The following TBC1D14 variants were observed in gnomAD, a reference collection of about 807,000 sequenced individuals.
The protein encoded by TBC1D14 is TBC1 domain family member 14.
TBC1D14 carries 26 observed loss-of-function variants against 79.0 expected under a neutral mutation model. The observed-to-expected ratio is 0.33, with a 90% CI of 0.24 to 0.46. TBC1D14 has a LOEUF of 0.46. TBC1D14 is among the 20% of genes least tolerant of loss of function. TBC1D14 has a pLI of 1.00. For missense variants in TBC1D14, 769 were observed against 887.6 expected (o/e 0.87, Z 1.70); for synonymous variants, 394 against 349.9 (o/e 1.13, Z -1.40).
chr4:7,019,168 C>T (rs1721569357), intron 12 of TBC1D14, among the ~76,000 whole-genome samples: 1 of 152,050 alleles, frequency 6.6e-6, no homozygotes, highest in Non-Finnish European at 1.5e-5. Flanking sequence ...ACTGCAGGCG[C>T]CCGCCACCAC....
chr4:6,958,841 C>A (rs1012369495), intron 2 of TBC1D14, among the ~76,000 whole-genome samples: 7 of 152,148 alleles, frequency 4.6e-5, no homozygotes, highest in African/African-American at 1.7e-4. Flanking sequence ...GTGTCCGTAC[C>A]CCTGTCTCAT....
intron 4 of TBC1D14, among the ~76,000 whole-genome samples, chr4:6,994,814 C>T (rs1041569124): frequency 6.7e-6 from 1 of 149,626 alleles, no homozygotes; most frequent in African/African-American, 2.5e-5. Flanking sequence ...GAGCCAAGAT[C>T]ACACCATTAA....
intron 13 of TBC1D14, among the ~76,000 whole-genome samples, chr4:7,029,600 G>A (rs1272568124): frequency 2.0e-5 from 3 of 152,228 alleles, no homozygotes; most frequent in African/African-American, 7.2e-5. Flanking sequence ...GCCAAGGCGG[G>A]CGTATCATGA....
At chr4:6,961,921 C>T (rs1183779801) in intron 2 of TBC1D14, among the ~76,000 whole-genome samples, 2 of 152,184 alleles carry the variant, frequency 1.3e-5, no homozygotes, top group Non-Finnish European at 2.9e-5. Flanking sequence ...CATACGACTC[C>T]TGTTTCTGTT....
At chr4:6,991,891 T>C (rs1018355912) in intron 3 of TBC1D14, among the ~76,000 whole-genome samples, 1 of 152,230 alleles carries the variant, frequency 6.6e-6, no homozygotes, top group Admixed American at 6.5e-5. Context: ...ATCTGATGTT[T>C]CTGGTCATGA....
At chr4:6,970,604 G>A (rs1257585536) in intron 3 of TBC1D14, among the ~76,000 whole-genome samples, 2 of 152,274 alleles carry the variant, frequency 1.3e-5, no homozygotes, top group African/African-American at 2.4e-5. Flanking sequence ...CTTGTGCTGC[G>A]CACTGGGAGC....
intron 1 of TBC1D14, among the ~76,000 whole-genome samples, chr4:6,913,705 T>C (rs1378745513): frequency 2.6e-5 from 4 of 152,254 alleles, no homozygotes; most frequent in Non-Finnish European, 5.9e-5. Context: ...CGGTTTTAAG[T>C]AGTCTAAATA....
chr4:7,033,027 A>C lies in TBC1D14; in HGVS notation c.*2635A>C, dbSNP rs1308595006. On this transcript the variant is annotated 3_prime_UTR_variant, in exon 14 of 14. Transcript: ENST00000409757. Reference sequence around the variant, plus strand: ...TAATTGCTTGTACAGTTAACCTTTAATTTTATTTAGTAAAGTGTATCAAAG... The same window carrying C: ...TAATTGCTTGTACAGTTAACCTTTACTTTTATTTAGTAAAGTGTATCAAAG... The C allele has an allele frequency of 6.6e-6, 1 of 152,664 alleles. No individual in the cohort carries two copies. The highest frequency in any genetic ancestry group is 1.5e-5 in the Non-Finnish European group (1 of 68,046). 9.5% of individuals were successfully genotyped at this position (152,664 alleles called of 1,614,324 possible).
chr4:6,937,963 G>C (rs1416550626), intron 2 of TBC1D14, among the ~76,000 whole-genome samples: 2 of 152,254 alleles, frequency 1.3e-5, no homozygotes, highest in South Asian at 4.1e-4. Flanking sequence ...TTGCATTGCT[G>C]ATTGAGCCGC....
intron 13 of TBC1D14, among the ~76,000 whole-genome samples, chr4:7,029,470 G>A (rs797012448): frequency 3.3e-5 from 5 of 152,380 alleles, no homozygotes; most frequent in African/African-American, 1.2e-4. Flanking sequence ...CGCTGGCAGA[G>A]TTCTCTGCTT....
At chr4:7,026,172 G>GA (rs1722350882) in intron 13 of TBC1D14, among the ~76,000 whole-genome samples, 1 of 149,584 alleles carries the variant, frequency 6.7e-6, no homozygotes, top group African/African-American at 2.5e-5. Flanking sequence ...TTTTTTAATG[G>GA]AAGATTTAAA....
chr4:7,012,038 C>T (rs964781545), intron 11 of TBC1D14, among the ~76,000 whole-genome samples: 7 of 151,830 alleles, frequency 4.6e-5, no homozygotes, highest in East Asian at 1.9e-4. Context: ...TGGTGGCTTA[C>T]GCCTGTAATC....
chr4:7,019,440 C>T lies in TBC1D14; in HGVS notation c.1757+4883C>T, dbSNP rs1017121792. 9.9e-5 allele frequency among the ~76,000 whole-genome samples: 15 copies of T among 152,242 alleles called. 1 individual carries two copies. Among genetic ancestry groups the T allele is most frequent in the Middle Eastern group, 3.4e-3 (1 of 294 alleles). Reference sequence around the variant, plus strand: ...CAGTTCTGGGGTACAGGTTGCCCCACGAGTGCCTTAGGAGCCGGGAGCATC... The same window carrying T: ...CAGTTCTGGGGTACAGGTTGCCCCATGAGTGCCTTAGGAGCCGGGAGCATC... On this transcript the variant is annotated intron_variant, in intron 12 of 13. Transcript: ENST00000409757.
At chr4:7,008,503 C>T (rs1240577516) in intron 9 of TBC1D14, among the ~76,000 whole-genome samples, 1 of 152,220 alleles carries the variant, frequency 6.6e-6, no homozygotes, top group African/African-American at 2.4e-5. Flanking sequence ...GCCTCCGCCT[C>T]CCGGGTTCAA....
intron 2 of TBC1D14, among the ~76,000 whole-genome samples, chr4:6,954,624 G>A (rs1201522045): frequency 1.3e-5 from 2 of 151,832 alleles, no homozygotes; most frequent in African/African-American, 2.4e-5. Context: ...TTTTTGAGAC[G>A]GAGTCTGGTT....
chr4:7,004,000 T>TC (rs1225779866), intron 7 of TBC1D14, among the ~76,000 whole-genome samples: 1 of 151,722 alleles, frequency 6.6e-6, no homozygotes, highest in African/African-American at 2.4e-5. Context: ...AGAGCAAGAC[T>TC]CCATCTCGGA....
intron 3 of TBC1D14, among the ~76,000 whole-genome samples, chr4:6,968,438 C>T (rs1258395299): frequency 2.0e-5 from 3 of 152,220 alleles, no homozygotes; most frequent in Admixed American, 6.5e-5. Context: ...TCCTTTAAAA[C>T]TCGCAACAAC....
At chr4:6,966,073 T>A (rs1223170458) in intron 2 of TBC1D14, among the ~76,000 whole-genome samples, 1 of 152,226 alleles carries the variant, frequency 6.6e-6, no homozygotes, top group African/African-American at 2.4e-5. Context: ...GTTTGTTTAT[T>A]TGTACCTATA....
chr4:7,001,235 G>T lies in TBC1D14; in HGVS notation c.1254G>T (p.Glu418Asp). The T allele has an allele frequency of 6.8e-6, 11 of 1,614,052 alleles. No individual in the cohort carries two copies. The highest frequency in any genetic ancestry group is 9.3e-6 in the Non-Finnish European group (11 of 1,179,984). ...GKVWSLAIGN[E>D]LNITHELFDI... The stretch of plus-strand genomic sequence containing the variant: ...TCTGGAGCTTAGCCATTGGCAACGA[G>T]TTAAATATCACCCACGGTGAGTGGC... Residue 418 changes from glutamate to aspartate, a missense_variant, in exon 7 of 14, where the codon GAG becomes GAT. Around this residue, in one of 2 missense-constraint regions of TBC1D14, gnomAD observed 367 missense variants for 494.4 expected, o/e 0.74. Transcript: ENST00000409757.
Sources: gnomAD v4.1 joint callset for allele counts (sites outside exome capture counted in the v4.1 genomes callset) on GRCh38, gnomAD v4.1.1 for gene constraint, gnomAD v4.1.1 regional missense constraint, MANE v1.5 for transcripts, NCBI Gene and HGNC (gene_info 2026-07-23, HGNC 2026-07-21) for gene names.